JPH1: variants seen among roughly 807,000 people sequenced by gnomAD.
JPH1 encodes junctophilin-1.
JPH1 carries 12 observed loss-of-function variants against 53.6 expected under a neutral mutation model. The observed-to-expected ratio is 0.22, with a 90% confidence interval of 0.14 to 0.36. The LOEUF (loss-of-function observed/expected upper bound fraction) is 0.36, where lower values mean the gene tolerates loss of function less well. JPH1 is among the 10% of genes least tolerant of loss of function. The pLI, the probability that JPH1 is intolerant of heterozygous loss-of-function variation, is 1.00. For synonymous variants in JPH1, 375 were observed against 363.8 expected (o/e 1.03, Z -0.35); for missense variants, 808 against 905.5 (o/e 0.89, Z 1.38).
chr8:74,257,027 T>A (rs900032005), intron 3 of JPH1, among the ~76,000 whole-genome samples: 4 of 152,188 alleles, frequency 2.6e-5, no homozygotes, highest in Admixed American at 2.0e-4. Flanking sequence ...AAAATGTCTA[T>A]CTGATTTGCT....
intron 2 of JPH1, among the ~76,000 whole-genome samples, chr8:74,270,618 A>G (rs991331558): frequency 1.3e-5 from 2 of 152,240 alleles, no homozygotes; most frequent in African/African-American, 4.8e-5. Flanking sequence ...ACATCAAGAT[A>G]AAAATATTTA....
At chr8:74,259,994 T>C (rs939335544) in intron 2 of JPH1, among the ~76,000 whole-genome samples, 2 of 152,250 alleles carry the variant, frequency 1.3e-5, no homozygotes, top group Non-Finnish European at 2.9e-5. Flanking sequence ...GGATTGGTAG[T>C]GTTTATTCAT....
At chr8:74,268,968 T>G (rs984970733) in intron 2 of JPH1, among the ~76,000 whole-genome samples, 2 of 152,106 alleles carry the variant, frequency 1.3e-5, no homozygotes, top group African/African-American at 4.8e-5. Flanking sequence ...TAAATACTTA[T>G]AAATACATTT....
In JPH1 at chr8:74,315,380, T is replaced by G. The variant is rs1808118152; in HGVS notation, c.620A>C (p.Lys207Thr). ...GCCCCTCCGGAAGAGGCCGCCCTTC[T>G]TCTTGCCCGCTAGCTCAGCGTCTGC... ...FHADAELAGK[K>T]KGGLFRRGSL... Residue 207 changes from lysine (K) to threonine (T), a missense_variant, in exon 2 of 6, where the codon AAG becomes ACG. Lys to Thr is a moderately conservative substitution (Grantham distance 78). Coordinates refer to ENST00000342232, the MANE Select transcript of JPH1 (RefSeq NM_020647.4). The surrounding 1 kb of genome is among the most constrained non-coding windows in gnomAD (Gnocchi z 6.3). The G allele has an allele frequency of 1.2e-6, 2 of 1,612,558 alleles. No homozygotes were observed. Among genetic ancestry groups the G allele is most frequent in the Non-Finnish European group, 1.7e-6 (2 of 1,179,956 alleles).
At position 74,235,759 on chromosome 8, in the gene JPH1, A is replaced by G. The variant is rs751992775; in HGVS notation, c.*1292T>C. 3.9e-5 allele frequency: 6 copies of G among 152,672 alleles called. No homozygotes were observed. Among genetic ancestry groups the G allele is most frequent in the African/African-American group, 7.2e-5 (3 of 41,474 alleles). The allele number at this position is 152,672 out of a possible 1,614,324, so 9.5% of individuals were successfully genotyped here. ...TGACAAAAGACTGTAAAAGACACATATTTAAAATAAAAATGTCTAAGCCTT... is the reference window on the plus strand; with the variant it reads ...TGACAAAAGACTGTAAAAGACACATGTTTAAAATAAAAATGTCTAAGCCTT... On this transcript the variant is annotated 3_prime_UTR_variant, in exon 6 of 6. Transcript: ENST00000342232.
intron 3 of JPH1, 49 bp from the exon 4 acceptor site, chr8:74,245,224 C>G: frequency 6.8e-7 from 1 of 1,472,846 alleles, no homozygotes; most frequent in Non-Finnish European, 9.0e-7. Flanking sequence ...GGTATATATA[C>G]ATATATTTTG....
chr8:74,301,229 C>A (rs1451423195), intron 2 of JPH1, among the ~76,000 whole-genome samples: 2 of 152,144 alleles, frequency 1.3e-5, no homozygotes, highest in African/African-American at 4.8e-5. Flanking sequence ...CACTTAAATT[C>A]TTTCTCCATG....
chr8:74,237,051 A>G lies in JPH1; in HGVS notation c.*16-16T>C, dbSNP rs1382239107. On this transcript the variant is annotated splice_polypyrimidine_tract_variant and intron_variant, in intron 5 of 5. Transcript: ENST00000342232. ...CAGGACTTCACTGAAGGGTCAAAAC[A>G]GTTATAGCAATTAAGTAACTATGTT... 4 of 604,760 alleles carry G rather than the reference A, an allele frequency of 6.6e-6. No homozygotes were observed. The African/African-American group carries it at 7.5e-5, about 11-fold the overall frequency. The allele number at this position is 604,760 out of a possible 1,614,324, so 37.5% of individuals were successfully genotyped here. A position where few individuals can be genotyped will look rare whatever the true frequency, so the allele number is the denominator to read the frequency against.
At chr8:74,277,412 T>C (rs1336569453) in intron 2 of JPH1, among the ~76,000 whole-genome samples, 1 of 152,214 alleles carries the variant, frequency 6.6e-6, no homozygotes, top group Non-Finnish European at 1.5e-5. Flanking sequence ...ATAATGGAAT[T>C]TTAGTCTCCC....
At chr8:74,293,589 C>T (rs1239951140) in intron 2 of JPH1, among the ~76,000 whole-genome samples, 1 of 152,158 alleles carries the variant, frequency 6.6e-6, no homozygotes, top group Non-Finnish European at 1.5e-5. Context: ...CAAAATAATT[C>T]CCTAAATTTC....
intron 3 of JPH1, 139 bp downstream of exon 3, chr8:74,259,246 C>T (rs567412886): frequency 1.9e-4 from 117 of 621,386 alleles, no homozygotes; most frequent in African/African-American, 2.6e-4. Flanking sequence ...GATCCTCAAC[C>T]GCAGGCGCCC....
chr8:74,321,468 C>T lies in JPH1; in HGVS notation c.-181G>A, dbSNP rs1358404367. On this transcript the variant is annotated 5_prime_UTR_variant, in exon 1 of 6. Coordinates refer to ENST00000342232, the MANE Select transcript of JPH1 (RefSeq NM_020647.4). This position sits in a 1 kb window ranked among gnomAD's most constrained non-coding sequence, Gnocchi z 4.3. Reference sequence around the variant, plus strand: ...CCCGTCCTCCCTCCTCTTTTGCCGCCGCCACCGCCGCCTTCCTCCTCCTCC... The same window carrying T: ...CCCGTCCTCCCTCCTCTTTTGCCGCTGCCACCGCCGCCTTCCTCCTCCTCC... 3 of 536,674 alleles carry T rather than the reference C, an allele frequency of 5.6e-6. No individual in the cohort carries two copies. Among genetic ancestry groups the T allele is most frequent in the Non-Finnish European group, 9.0e-6 (3 of 333,422 alleles). 33.2% of individuals were successfully genotyped at this position (536,674 alleles called of 1,614,324 possible).
At chr8:74,296,081 C>G (rs1319160502) in intron 2 of JPH1, among the ~76,000 whole-genome samples, 1 of 136,326 alleles carries the variant, frequency 7.3e-6, no homozygotes, top group Non-Finnish European at 1.6e-5. Context: ...ATCAGAAACC[C>G]GATTAAATCT....
At chr8:74,238,588 C>T (rs1805609858) in intron 4 of JPH1, among the ~76,000 whole-genome samples, 1 of 152,274 alleles carries the variant, frequency 6.6e-6, no homozygotes, top group South Asian at 2.1e-4. Flanking sequence ...GTGACATTGC[C>T]CAATTCATTC....
chr8:74,261,630 G>A (rs1277678362), intron 2 of JPH1, among the ~76,000 whole-genome samples: 1 of 152,138 alleles, frequency 6.6e-6, no homozygotes, highest in African/African-American at 2.4e-5. Flanking sequence ...TTAGTCCTGT[G>A]TGTTGTGCCT....
chr8:74,272,057 C>G (rs749865308), intron 2 of JPH1, among the ~76,000 whole-genome samples: 1 of 152,362 alleles, frequency 6.6e-6, no homozygotes, highest in Middle Eastern at 3.4e-3. Flanking sequence ...CTTTTACTAA[C>G]GTTACGCATG....
chr8:74,315,501 G>C lies in JPH1; in HGVS notation c.499C>G (p.Arg167Gly). 1 of 1,605,772 alleles carries C rather than the reference G, an allele frequency of 6.2e-7. No homozygotes were observed. Among genetic ancestry groups the C allele is most frequent in the Non-Finnish European group, 8.5e-7 (1 of 1,177,062 alleles). ...SPLRTSLASL[R>G]SEQSNGSVLH... ...ACGCTGCCATTGCTCTGCTCGCTGC[G>C]CAGCGAGGCCAGCGAGGTACGCAGC... Residue 167 changes from arginine (R) to glycine (G), a missense_variant, in exon 2 of 6, where the codon CGC (arginine) becomes GGC (glycine). Around this residue, in one of 2 missense-constraint regions of JPH1, gnomAD observed 756 missense variants for 811.9 expected, o/e 0.93. Coordinates refer to ENST00000342232, the MANE Select transcript of JPH1 (RefSeq NM_020647.4). This position sits in a 1 kb window ranked among gnomAD's most constrained non-coding sequence, Gnocchi z 6.3.
chr8:74,313,747 T>TC (rs1808060861), intron 2 of JPH1, among the ~76,000 whole-genome samples: 1 of 152,180 alleles, frequency 6.6e-6, no homozygotes, highest in African/African-American at 2.4e-5. Flanking sequence ...GGCGTTTACT[T>TC]CTGTGGAAGA....
At chr8:74,290,953 G>A (rs968452862) in intron 2 of JPH1, among the ~76,000 whole-genome samples, 18 of 152,064 alleles carry the variant, frequency 1.2e-4, no homozygotes, top group South Asian at 4.1e-4. Context: ...ACTGGATCCC[G>A]TCCTTACACC....
Sources: gnomAD v4.1 joint callset for allele counts (sites outside exome capture counted in the v4.1 genomes callset) on GRCh38, gnomAD v4.1.1 for gene constraint, gnomAD v4.1.1 regional missense constraint, Gnocchi (gnomAD v3.1) non-coding constraint, MANE v1.5 for transcripts, NCBI Gene and HGNC (gene_info 2026-07-23, HGNC 2026-07-21) for gene names.